NKAIN3: variants seen among roughly 807,000 people sequenced by gnomAD.
The protein encoded by NKAIN3 is sodium/potassium-transporting ATPase subunit beta-1-interacting protein 3.
NKAIN3 carries 25 observed loss-of-function variants against 30.2 expected under a neutral mutation model. The observed-to-expected ratio is 0.83, with a 90% CI of 0.60 to 1.16. The LOEUF (loss-of-function observed/expected upper bound fraction) is 1.16. NKAIN3 is among the 50% of genes most tolerant of loss of function. The pLI, the probability that NKAIN3 is intolerant of heterozygous loss-of-function variation, is 0.00. For synonymous variants in NKAIN3, 91 were observed against 89.6 expected (o/e 1.02, Z -0.09); for missense variants, 225 against 254.1 (o/e 0.89, Z 0.78).
At chr8:62,948,195 CT>C (rs1018602395) in intron 5 of NKAIN3, among the ~76,000 whole-genome samples, 251 of 144,608 alleles carry the variant, frequency 1.7e-3, no homozygotes, top group Admixed American at 8.0e-3. Context: ...TTGGTATTTC[CT>C]TTTTTTTTTT....
intron 5 of NKAIN3, among the ~76,000 whole-genome samples, chr8:62,947,169 T>C (rs1823148735): frequency 6.6e-6 from 1 of 152,224 alleles, no homozygotes; most frequent in Non-Finnish European, 1.5e-5. Flanking sequence ...TCAAGTTTTA[T>C]AAGATTATAA....
At chr8:62,422,061 A>G (rs1337858062) in intron 1 of NKAIN3, among the ~76,000 whole-genome samples, 1 of 152,272 alleles carries the variant, frequency 6.6e-6, no homozygotes, top group East Asian at 1.9e-4. Flanking sequence ...CAAGAGTATG[A>G]TAATATTCTC....
At chr8:62,431,711 T>C (rs556927980) in intron 1 of NKAIN3, among the ~76,000 whole-genome samples, 1 of 151,964 alleles carries the variant, frequency 6.6e-6, no homozygotes, top group Admixed American at 6.6e-5. Flanking sequence ...TTTTTAAAAA[T>C]GTTTTTAGGT....
chr8:62,594,178 A>G (rs1023944417), intron 3 of NKAIN3, among the ~76,000 whole-genome samples: 4 of 152,028 alleles, frequency 2.6e-5, no homozygotes, highest in Admixed American at 1.3e-4. Flanking sequence ...GGATCAATCT[A>G]TCAAACATAA....
At chr8:62,674,282 G>C (rs919072110) in intron 3 of NKAIN3, among the ~76,000 whole-genome samples, 1 of 152,194 alleles carries the variant, frequency 6.6e-6, no homozygotes, top group African/African-American at 2.4e-5. Context: ...ATTCCTGCCT[G>C]CTGCCTGTCT....
At chr8:62,581,140 A>AATAAAATAAC (rs1443251326) in intron 2 of NKAIN3, among the ~76,000 whole-genome samples, 9 of 148,744 alleles carry the variant, frequency 6.1e-5, no homozygotes, top group African/African-American at 1.7e-4. Context: ...AATAAAATAA[A>AATAAAATAAC]ATAAAATAAA....
chr8:62,260,076 AAG>A (rs1211114371), intron 1 of NKAIN3, among the ~76,000 whole-genome samples: 2 of 152,132 alleles, frequency 1.3e-5, no homozygotes, highest in Admixed American at 6.6e-5. Context: ...GAAGTATTGA[AAG>A]AGGATTTTAG....
chr8:62,666,907 A>G (rs1004935709), intron 3 of NKAIN3, among the ~76,000 whole-genome samples: 1 of 152,068 alleles, frequency 6.6e-6, no homozygotes, highest in Non-Finnish European at 1.5e-5. Flanking sequence ...CTTTCCTCTG[A>G]TGCACATGCC....
chr8:62,831,423 A>G (rs553980413), intron 4 of NKAIN3, among the ~76,000 whole-genome samples: 2 of 152,296 alleles, frequency 1.3e-5, no homozygotes, highest in Admixed American at 1.3e-4. Context: ...AATTCAAAGC[A>G]TGGATTGTAA....
At chr8:62,359,413 G>A (rs577349287) in intron 1 of NKAIN3, among the ~76,000 whole-genome samples, 34 of 152,284 alleles carry the variant, frequency 2.2e-4, no homozygotes, top group African/African-American at 7.7e-4. Context: ...GTGATGTCAG[G>A]TCAAGTGGAT....
At chr8:62,683,185 C>T (rs1296414096) in intron 3 of NKAIN3, among the ~76,000 whole-genome samples, 2 of 152,104 alleles carry the variant, frequency 1.3e-5, no homozygotes, top group Admixed American at 6.5e-5. Flanking sequence ...AGGTGCCTGC[C>T]ACCATGCCCG....
intron 4 of NKAIN3, among the ~76,000 whole-genome samples, chr8:62,900,240 C>A (rs1260750996): frequency 6.7e-6 from 1 of 150,318 alleles, no homozygotes; most frequent in East Asian, 2.0e-4. Flanking sequence ...ATCTTGTATT[C>A]TTGTGCTGCA....
intron 4 of NKAIN3, among the ~76,000 whole-genome samples, chr8:62,893,952 T>C (rs1188974059): frequency 1.3e-5 from 2 of 152,190 alleles, no homozygotes; most frequent in Admixed American, 1.3e-4. Context: ...GTTGATCATA[T>C]ATAAAGATGT....
rs898491548 is a variant in NKAIN3 at position 62,308,862 on chromosome 8, G to A, written c.54+59735G>A. On this transcript the variant is annotated intron_variant, in intron 1 of 6. Transcript: ENST00000623646. ...CAACCTTGCATTTTACAGCTGAAGGGCTGCCTGTACAACTCATTGACCAAC... is the reference window on the plus strand; with the variant it reads ...CAACCTTGCATTTTACAGCTGAAGGACTGCCTGTACAACTCATTGACCAAC... 8.0e-5 allele frequency among the ~76,000 whole-genome samples: 12 copies of A among 150,388 alleles called. 1 individual carries two copies. The highest frequency in any genetic ancestry group is 3.0e-4 in the African/African-American group (12 of 39,842).
At chr8:62,658,851 A>G (rs748467958) in intron 3 of NKAIN3, among the ~76,000 whole-genome samples, 2 of 151,928 alleles carry the variant, frequency 1.3e-5, no homozygotes, top group Non-Finnish European at 2.9e-5. Flanking sequence ...TTCGCTATGG[A>G]CATATTTTTA....
intron 1 of NKAIN3, among the ~76,000 whole-genome samples, chr8:62,416,968 G>A (rs1804465637): frequency 6.6e-6 from 1 of 151,772 alleles, no homozygotes; most frequent in Non-Finnish European, 1.5e-5. Flanking sequence ...CTCAGTCTGG[G>A]TGACAGAGCG....
chr8:62,926,244 A>G (rs4413770), intron 5 of NKAIN3, among the ~76,000 whole-genome samples: 119,395 of 152,166 alleles, frequency 0.78, 47,789 homozygotes, highest in East Asian at 0.98. Context: ...GTAAAATTTA[A>G]GAGCCCAGCA....
At chr8:62,305,180 T>G (rs989871634) in intron 1 of NKAIN3, among the ~76,000 whole-genome samples, 4 of 132,764 alleles carry the variant, frequency 3.0e-5, no homozygotes, top group Admixed American at 7.2e-5. Flanking sequence ...ACTTAAAGGA[T>G]TTTTTTTTTG....
chr8:62,597,774 C>T (rs1274618028), intron 3 of NKAIN3, among the ~76,000 whole-genome samples: 1 of 151,882 alleles, frequency 6.6e-6, no homozygotes, highest in East Asian at 1.9e-4. Context: ...TCTCTGCAAT[C>T]CAGTCTTCCC....
Sources: allele counts gnomAD v4.1 joint callset (sites outside exome capture counted in the v4.1 genomes callset), GRCh38; gene constraint gnomAD v4.1.1; transcripts MANE v1.5; gene names NCBI Gene and HGNC (gene_info 2026-07-23, HGNC 2026-07-21).